Variants in NFATC2 observed in about 807,000 individuals in gnomAD.
The protein encoded by NFATC2 is nuclear factor of activated T-cells, cytoplasmic 2.
In NFATC2, 22 loss-of-function variants were observed where a neutral mutation model predicts 87.3. The observed-to-expected ratio is 0.25, with a 90% CI of 0.18 to 0.36. The LOEUF (loss-of-function observed/expected upper bound fraction) is 0.36, where lower values mean the gene tolerates loss of function less well. Among genes scored for constraint, NFATC2 ranks in the 10% least tolerant of loss-of-function variants. NFATC2 has a pLI of 1.00. For missense variants in NFATC2, 1,149 were observed against 1,259.1 expected, an observed-to-expected ratio of 0.91 and a Z score of 1.32; for synonymous variants, 565 against 542.2, an observed-to-expected ratio of 1.04 and a Z score of -0.58.
chr20:51,431,977 C>T (rs548832323), intron 9 of NFATC2, 90 bp downstream of exon 9: 25 of 1,342,392 alleles, frequency 1.9e-5, no homozygotes, highest in East Asian at 9.4e-5. Context: ...AAAGAGATTA[C>T]GGAATCCGTA....
intron 9 of NFATC2, among the ~76,000 whole-genome samples, chr20:51,426,200 T>A (rs921256631): frequency 6.6e-6 from 1 of 152,142 alleles, no homozygotes; most frequent in Non-Finnish European, 1.5e-5. Context: ...TAAACAAGGC[T>A]GGGCATGGTG....
rs3787202 is a variant in NFATC2, at chr20:51,456,894, G to A, written c.1709-2206C>T. On this transcript the variant is annotated intron_variant, in intron 5 of 10. Coordinates refer to ENST00000371564, the MANE Select transcript of NFATC2 (RefSeq NM_012340.5). ...ACTTGGCAACATTTCAGGAGTCGCC[G>A]TGCACCAGCCAGAGGCTTCCAGACA... Among the ~76,000 whole-genome samples, 1,497 of 152,322 alleles carry A rather than the reference G, an allele frequency of 9.8e-3. 55 individuals are homozygous for A. The East Asian group carries it at 0.13, about 13-fold the overall frequency.
At chr20:51,463,745 T>C (rs943207138) in intron 5 of NFATC2, among the ~76,000 whole-genome samples, 2 of 152,170 alleles carry the variant, frequency 1.3e-5, no homozygotes, top group African/African-American at 2.4e-5. Flanking sequence ...TTTCTGTGCC[T>C]CCATCACTGG....
At chr20:51,461,031 G>A (rs1987094444) in intron 5 of NFATC2, among the ~76,000 whole-genome samples, 1 of 152,204 alleles carries the variant, frequency 6.6e-6, no homozygotes, top group Admixed American at 6.5e-5. Context: ...CTGAGGACGG[G>A]GAACTCCTCC....
intron 1 of NFATC2, among the ~76,000 whole-genome samples, chr20:51,528,040 C>A (rs1010941609): frequency 6.8e-6 from 1 of 146,948 alleles, no homozygotes; most frequent in African/African-American, 2.5e-5. Flanking sequence ...GAGCCATGAT[C>A]GTACCACCAC....
chr20:51,443,901 C>T (rs1984698240), intron 6 of NFATC2, among the ~76,000 whole-genome samples: 2 of 151,540 alleles, frequency 1.3e-5, no homozygotes, highest in Non-Finnish European at 1.5e-5. Flanking sequence ...CTAGAGAAGA[C>T]TTAGCACAAC....
chr20:51,395,587 ATGGAGAATGAT>A lies in NFATC2; in HGVS notation c.*44+3045_*44+3055del, dbSNP rs1210519326. Among the ~76,000 whole-genome samples, 7 of 42,784 alleles carry A rather than the reference ATGGAGAATGAT, an allele frequency of 1.6e-4. No homozygotes were observed. In the East Asian group the frequency reaches 4.1e-3, roughly 25 times the overall value. 28.1% of individuals were successfully genotyped at this position (42,784 alleles called of 152,430 possible). ...TAGACAGAGGTGCCCTAAAAGACTG[ATGGAGAATGAT>A]CTCACAGAGGTGCCCTAAAAGACTG... On this transcript the variant is annotated intron_variant, in intron 10 of 10. Transcript: ENST00000371564.
At position 51,516,303 on chromosome 20, in the gene NFATC2, G is replaced by A. The variant is rs150613482; in HGVS notation, c.1332+481C>T. Among the ~76,000 whole-genome samples, 510 of 152,286 alleles carry A rather than the reference G, an allele frequency of 3.3e-3. 2 individuals are homozygous for A. Among genetic ancestry groups the A allele is most frequent in the African/African-American group, 0.012 (483 of 41,566 alleles). On this transcript the variant is annotated intron_variant, in intron 3 of 10. Coordinates refer to ENST00000371564, the MANE Select transcript of NFATC2 (RefSeq NM_012340.5). ...ATAGAAATATATGGTAACAGAGGCTGGCGTGTTTGTGAATAGAAAAAAGAA... is the reference window on the plus strand; with the variant it reads ...ATAGAAATATATGGTAACAGAGGCTAGCGTGTTTGTGAATAGAAAAAAGAA...
chr20:51,534,275 G>C (rs576890161), intron 1 of NFATC2, among the ~76,000 whole-genome samples: 1 of 152,136 alleles, frequency 6.6e-6, no homozygotes, highest in Non-Finnish European at 1.5e-5. Flanking sequence ...CAGTGCACAG[G>C]GGGAAGGGCT....
Position 51,435,244 on chromosome 20 carries a change from T to C in NFATC2, c.1976A>G (p.Tyr659Cys), listed in dbSNP as rs528371807. 9.3e-6 allele frequency: 15 copies of C among 1,614,176 alleles called. No individual in the cohort carries two copies. The Admixed American group carries it at 1.0e-4, about 11-fold the overall frequency. Reference protein sequence around the residue: ...HIRTPVKVNFYVINGKRKRSQ... With the variant: ...HIRTPVKVNFCVINGKRKRSQ... The stretch of plus-strand genomic sequence containing the variant: ...TCGTTTTCTCTTCCCATTGATGACG[T>C]AGAAGTTCACTTTTACAGGTGTGCG... Residue 659 changes from tyrosine (Y) to cysteine (C), a missense_variant, in exon 8 of 11, where the codon TAC (tyrosine) becomes TGC (cysteine). Tyr to Cys is a radical substitution (Grantham distance 194). Coordinates refer to ENST00000371564, the MANE Select transcript of NFATC2 (RefSeq NM_012340.5).
At chr20:51,461,498 A>G (rs1239826953) in intron 5 of NFATC2, among the ~76,000 whole-genome samples, 1 of 152,192 alleles carries the variant, frequency 6.6e-6, no homozygotes, top group East Asian at 1.9e-4. Context: ...GGCACGTCAT[A>G]AAGTGGCTTG....
chr20:51,536,948 T>G (rs1231158848), intron 1 of NFATC2, among the ~76,000 whole-genome samples: 1 of 152,064 alleles, frequency 6.6e-6, no homozygotes, highest in East Asian at 1.9e-4. Flanking sequence ...GCACCTCATT[T>G]GTCCCTATTT....
In NFATC2 at chr20:51,390,051, TAAAAATCAC is replaced by T. The variant is rs1198689761; in HGVS notation, c.*1436_*1444del. 1 of 150,900 alleles carries T rather than the reference TAAAAATCAC, an allele frequency of 6.6e-6. No homozygotes were observed. Among genetic ancestry groups the T allele is most frequent in the African/African-American group, 2.5e-5 (1 of 40,672 alleles). The allele number at this position is 150,900 out of a possible 1,614,324, so 9.3% of individuals were successfully genotyped here. Reference sequence around the variant, plus strand: ...CCAAGAACTTCAAGGGTTTTGTTTGTAAAAATCACAAAAATCACACCCACAGAGGAAGAC... The same window carrying T: ...CCAAGAACTTCAAGGGTTTTGTTTGTAAAAATCACACCCACAGAGGAAGAC... On this transcript the variant is annotated 3_prime_UTR_variant, in exon 11 of 11. Coordinates refer to ENST00000371564, the MANE Select transcript of NFATC2 (RefSeq NM_012340.5).
chr20:51,400,615 C>CTCTT (rs1239552352), intron 9 of NFATC2, among the ~76,000 whole-genome samples: 27 of 152,182 alleles, frequency 1.8e-4, no homozygotes, highest in African/African-American at 6.5e-4. Context: ...TAGAGTTTCA[C>CTCTT]TCTTTGTCAG....
intron 9 of NFATC2, among the ~76,000 whole-genome samples, chr20:51,400,504 C>T (rs983601646): frequency 5.9e-5 from 9 of 152,082 alleles, no homozygotes; most frequent in Non-Finnish European, 1.0e-4. Context: ...TCAGGGGACT[C>T]GAGAAACCAA....
intron 5 of NFATC2, among the ~76,000 whole-genome samples, chr20:51,458,087 G>A (rs906030356): frequency 2.0e-5 from 3 of 152,034 alleles, no homozygotes; most frequent in Admixed American, 6.6e-5. Context: ...ATGTTACTCA[G>A]GCTTGTCTTG....
chr20:51,430,674 T>C (rs1600715130), intron 9 of NFATC2, among the ~76,000 whole-genome samples: 1 of 152,222 alleles, frequency 6.6e-6, no homozygotes, highest in East Asian at 1.9e-4. Context: ...ATACCAGAAG[T>C]CACAGAGCCC....
intron 3 of NFATC2, among the ~76,000 whole-genome samples, chr20:51,513,725 G>A (rs753402095): frequency 5.9e-5 from 9 of 152,184 alleles, no homozygotes; most frequent in Non-Finnish European, 1.3e-4. Flanking sequence ...ACCAATGGGC[G>A]GCACCCTCCC....
chr20:51,408,006 T>A (rs574951772), intron 9 of NFATC2, among the ~76,000 whole-genome samples: 1 of 152,192 alleles, frequency 6.6e-6, no homozygotes, highest in African/African-American at 2.4e-5. Context: ...CCAACCAAAG[T>A]CCTCTGTGGC....
Sources: allele counts gnomAD v4.1 joint callset (sites outside exome capture counted in the v4.1 genomes callset), GRCh38; gene constraint gnomAD v4.1.1; transcripts MANE v1.5; gene names NCBI Gene and HGNC (gene_info 2026-07-23, HGNC 2026-07-21).